The following SDHAF4 variants were observed in gnomAD, a reference collection of about 807,000 sequenced individuals.
SDHAF4 encodes succinate dehydrogenase assembly factor 4, mitochondrial.
SDHAF4 carries 14 observed loss-of-function variants against 14.3 expected under a neutral mutation model. That is an observed-to-expected ratio of 0.98 (90% CI 0.65 to 1.53). The LOEUF (loss-of-function observed/expected upper bound fraction) is 1.53. Among genes scored for constraint, SDHAF4 ranks in the 40% most tolerant of loss-of-function variants. The probability of loss-of-function intolerance (pLI) is 0.00; values close to 1 mark genes in which losing one functional copy is unlikely to be tolerated. For synonymous variants in SDHAF4, 63 were observed against 47.3 expected (o/e 1.33, Z -1.36); for missense variants, 141 against 129.3 (o/e 1.09, Z -0.44).
At chr6:70,569,651 G>A (rs534866516) in intron 1 of SDHAF4, among the ~76,000 whole-genome samples, 1 of 152,298 alleles carries the variant, frequency 6.6e-6, no homozygotes, top group Non-Finnish European at 1.5e-5. Context: ...GTTTGTTTCT[G>A]TCACTGCTAG....
At chr6:70,592,062 C>T (rs945157199), downstream of SDHAF4, among the ~76,000 whole-genome samples, 1 of 152,244 alleles carries the variant, frequency 6.6e-6, no homozygotes, top group Admixed American at 6.5e-5. Context: ...CAGGACTCTG[C>T]AGAGAGCTTT....
the SDHAF4 span, among the ~76,000 whole-genome samples, chr6:70,595,914 CACTA>C: frequency 7.1e-4 from 107 of 151,264 alleles, no homozygotes; most frequent in African/African-American, 2.1e-3. Flanking sequence ...TTGTGTTCTA[CACTA>C]ACTATCATGA....
At chr6:70,591,222 A>T (rs1765255061), downstream of SDHAF4, among the ~76,000 whole-genome samples, 1 of 151,932 alleles carries the variant, frequency 6.6e-6, no homozygotes, top group Non-Finnish European at 1.5e-5. Flanking sequence ...CCAACACAAC[A>T]TGTTAGCCAC....
At chr6:70,582,415 C>T (rs1007749012) in intron 2 of SDHAF4, among the ~76,000 whole-genome samples, 1 of 152,182 alleles carries the variant, frequency 6.6e-6, no homozygotes, top group Non-Finnish European at 1.5e-5. Flanking sequence ...ACATTTATAC[C>T]TCTAATCAGA....
chr6:70,596,702 T>C, the SDHAF4 span: 1 of 152,204 alleles, frequency 6.6e-6, no homozygotes, highest in African/African-American at 2.4e-5. Flanking sequence ...GCTCATGCCA[T>C]GGAGTGTTGT....
At chr6:70,585,914 G>A (rs908216068) in intron 2 of SDHAF4, among the ~76,000 whole-genome samples, 6 of 152,068 alleles carry the variant, frequency 3.9e-5, no homozygotes, top group South Asian at 4.1e-4. Context: ...CAGTTTCCCC[G>A]TGCTATGCAG....
rs1802295977 is a variant in SDHAF4, at chr6:70,579,573, A to G, written c.217+7A>G. 5.1e-6 allele frequency: 8 copies of G among 1,574,716 alleles called. No individual in the cohort carries two copies. Among genetic ancestry groups the G allele is most frequent in the Admixed American group, 1.8e-5 (1 of 54,710 alleles). ...GAGAAAGAACCACTGGAAAGTAAGT[A>G]TAATAAAGCACCTCTCAGTTTTTGA... is the stretch of plus-strand genomic sequence containing the variant. On this transcript the variant is annotated splice_region_variant and intron_variant, in intron 2 of 2. Coordinates refer to ENST00000370474, the MANE Select transcript of SDHAF4 (RefSeq NM_145267.3).
intron 2 of SDHAF4, among the ~76,000 whole-genome samples, chr6:70,579,785 G>C (rs1181999155): frequency 6.6e-6 from 1 of 151,984 alleles, no homozygotes; most frequent in African/African-American, 2.4e-5. Context: ...GATTGTGTTT[G>C]TTTTATTTGT....
intron 2 of SDHAF4, among the ~76,000 whole-genome samples, chr6:70,580,003 T>C (rs1424909809): frequency 6.6e-6 from 1 of 152,092 alleles, no homozygotes; most frequent in Non-Finnish European, 1.5e-5. Flanking sequence ...AAGTCAAAAA[T>C]AGCAAAGCAC....
intron 1 of SDHAF4, among the ~76,000 whole-genome samples, chr6:70,570,359 G>C (rs1802163484): frequency 6.6e-6 from 1 of 152,066 alleles, no homozygotes; most frequent in Non-Finnish European, 1.5e-5. Flanking sequence ...GTCTTGCTCT[G>C]TCACCCAGGC....
chr6:70,579,548 G>C lies in SDHAF4; in HGVS notation c.199G>C (p.Glu67Gln). The C allele has an allele frequency of 6.2e-7, 1 of 1,603,990 alleles. No homozygotes were observed. Among genetic ancestry groups the C allele is most frequent in the African/African-American group, 1.3e-5 (1 of 74,560 alleles). Reference sequence around the variant, plus strand: ...TGATGCACCAGAGGATTCCCATTTAGAGAAAGAACCACTGGAAAGTAAGTA... The same window carrying C: ...TGATGCACCAGAGGATTCCCATTTACAGAAAGAACCACTGGAAAGTAAGTA... ...RFDAPEDSHL[E>Q]KEPLEKFPDD... The change falls in exon 2 of 3, where the codon GAG (glutamate) becomes CAG (glutamine). Residue 67 changes from glutamate (E) to glutamine (Q), a missense_variant. Transcript: ENST00000370474.
Position 70,568,559 on chromosome 6 carries a change from T to C in SDHAF4, c.64+1555T>C, listed in dbSNP as rs564941362. On this transcript the variant is annotated intron_variant, in intron 1 of 2. Coordinates refer to ENST00000370474, the MANE Select transcript of SDHAF4 (RefSeq NM_145267.3). Reference sequence around the variant, plus strand: ...ATGAGGTTGTAGTTATTCATTCAACTGTGTGAACATATGATGCATTTTCCA... The same window carrying C: ...ATGAGGTTGTAGTTATTCATTCAACCGTGTGAACATATGATGCATTTTCCA... 2.6e-5 allele frequency among the ~76,000 whole-genome samples: 4 copies of C among 152,360 alleles called. No individual in the cohort carries two copies. The South Asian group carries it at 8.3e-4, about 32-fold the overall frequency.
intron 1 of SDHAF4, among the ~76,000 whole-genome samples, chr6:70,570,862 ATAAT>A (rs1450426568): frequency 6.6e-6 from 1 of 152,098 alleles, no homozygotes. Context: ...TATCTCCCAA[ATAAT>A]TCTGTTCTTT....
chr6:70,597,315 T>G, the SDHAF4 span, among the ~76,000 whole-genome samples: 1 of 146,790 alleles, frequency 6.8e-6, no homozygotes, highest in East Asian at 1.9e-4. Context: ...TTTTTTTTTT[T>G]TTTTTGTATT....
intron 2 of SDHAF4, among the ~76,000 whole-genome samples, chr6:70,583,503 G>A (rs993902329): frequency 1.3e-5 from 2 of 152,156 alleles, no homozygotes; most frequent in Non-Finnish European, 2.9e-5. Context: ...GAAAGAGGCT[G>A]CAGAACATTA....
the SDHAF4 span, chr6:70,596,703 G>A: frequency 6.6e-6 from 1 of 152,150 alleles, no homozygotes; most frequent in African/African-American, 2.4e-5. Context: ...CTCATGCCAT[G>A]GAGTGTTGTA....
At chr6:70,587,198 A>ACACAC (rs58942545) in intron 2 of SDHAF4, among the ~76,000 whole-genome samples, 1 of 143,574 alleles carries the variant, frequency 7.0e-6, no homozygotes, top group South Asian at 2.3e-4. Flanking sequence ...ACACACACAC[A>ACACAC]AGAATTAGGG....
intron 2 of SDHAF4, among the ~76,000 whole-genome samples, chr6:70,582,867 T>A (rs1765151898): frequency 6.6e-6 from 1 of 152,198 alleles, no homozygotes; most frequent in South Asian, 2.1e-4. Flanking sequence ...CTCTAGTATG[T>A]ACTTTATTCT....
chr6:70,591,551 G>C (rs374867652), downstream of SDHAF4, among the ~76,000 whole-genome samples: 53 of 151,940 alleles, frequency 3.5e-4, no homozygotes, highest in African/African-American at 1.3e-3. Flanking sequence ...GGATAGTCTC[G>C]ATCTCCTGAT....
Sources: gnomAD v4.1 joint callset for allele counts (sites outside exome capture counted in the v4.1 genomes callset) on GRCh38, gnomAD v4.1.1 for gene constraint, MANE v1.5 for transcripts, NCBI Gene and HGNC (gene_info 2026-07-23, HGNC 2026-07-21) for gene names.